The following CHST11 variants were observed in gnomAD, a reference collection of about 807,000 sequenced individuals.
The protein encoded by CHST11 is C4S-1.
A neutral mutation model predicts 30.4 loss-of-function variants in CHST11; 9 were observed. The ratio of observed to expected loss-of-function variants is 0.30; its 90% CI spans 0.18 to 0.52. The LOEUF (loss-of-function observed/expected upper bound fraction) is 0.52, where lower values mean the gene tolerates loss of function less well. Among genes scored for constraint, CHST11 ranks in the 20% least tolerant of loss-of-function variants. The probability of loss-of-function intolerance (pLI) is 0.97; values close to 1 mark genes in which losing one functional copy is unlikely to be tolerated. For synonymous variants in CHST11, 152 were observed against 187.8 expected, an observed-to-expected ratio of 0.81 and a Z score of 1.56; for missense variants, 348 against 460.6, an observed-to-expected ratio of 0.76 and a Z score of 2.24.
intron 2 of CHST11, among the ~76,000 whole-genome samples, chr12:104,652,324 A>C (rs2039497913): frequency 6.6e-6 from 1 of 152,224 alleles, no homozygotes; most frequent in Admixed American, 6.5e-5. Flanking sequence ...ATCTAATTAC[A>C]CAAAGGAAAG....
In CHST11 at chr12:104,475,681, TA is replaced by T. The variant is rs1565954845; in HGVS notation, c.118+18153del. The stretch of plus-strand genomic sequence containing the variant: ...CATTATATATATATATATATATATA[TA>T]TATATATATTTCTGATTATGAAATT... On this transcript the variant is annotated intron_variant, in intron 1 of 2. Transcript: ENST00000303694. 2.8e-4 allele frequency among the ~76,000 whole-genome samples: 35 copies of T among 124,456 alleles called. 3 individuals carry two copies. The highest frequency in any genetic ancestry group is 9.9e-4 in the South Asian group (4 of 4,028). The allele number at this position is 124,456 out of a possible 152,430, so 81.6% of individuals were successfully genotyped here.
intron 1 of CHST11, among the ~76,000 whole-genome samples, chr12:104,515,085 C>T (rs1389538426): frequency 6.6e-6 from 1 of 152,048 alleles, no homozygotes; most frequent in South Asian, 2.1e-4. Flanking sequence ...TTTGTATAGC[C>T]TGTGAGCTAA....
At chr12:104,562,142 G>T (rs2038520143) in intron 1 of CHST11, among the ~76,000 whole-genome samples, 1 of 152,100 alleles carries the variant, frequency 6.6e-6, no homozygotes, top group Admixed American at 6.5e-5. Context: ...CTAGTGCTCT[G>T]GTTGGTGTTG....
At chr12:104,694,551 C>T (rs1190241702) in intron 2 of CHST11, among the ~76,000 whole-genome samples, 1 of 152,082 alleles carries the variant, frequency 6.6e-6, no homozygotes, top group African/African-American at 2.4e-5. Context: ...AGCACAGCCC[C>T]CTGTTTTGAC....
chr12:104,737,198 T>TA (rs2040308553), intron 2 of CHST11, among the ~76,000 whole-genome samples: 1 of 152,264 alleles, frequency 6.6e-6, no homozygotes, highest in African/African-American at 2.4e-5. Context: ...AGAAGCCACG[T>TA]AGATCTGGGC....
chr12:104,695,678 T>C (rs552908220), intron 2 of CHST11, among the ~76,000 whole-genome samples: 133 of 152,212 alleles, frequency 8.7e-4, no homozygotes, highest in African/African-American at 3.1e-3. Flanking sequence ...AGCTTACAAT[T>C]GATAGATTTT....
intron 1 of CHST11, among the ~76,000 whole-genome samples, chr12:104,511,450 C>G (rs1163126536): frequency 6.6e-6 from 1 of 152,212 alleles, no homozygotes; most frequent in Non-Finnish European, 1.5e-5. Context: ...TCTTCTGGGT[C>G]TTCTGGCTTC....
chr12:104,652,806 C>T (rs1345032194), intron 2 of CHST11, among the ~76,000 whole-genome samples: 1 of 152,190 alleles, frequency 6.6e-6, no homozygotes, highest in African/African-American at 2.4e-5. Flanking sequence ...GAAGCTGGCC[C>T]AAGGGGCCAG....
chr12:104,493,877 G>A (rs2037774142), intron 1 of CHST11, among the ~76,000 whole-genome samples: 1 of 152,214 alleles, frequency 6.6e-6, no homozygotes, highest in African/African-American at 2.4e-5. Context: ...AGGCTGAAGT[G>A]CAGTGGCACC....
At chr12:104,551,758 T>C (rs934253264) in intron 1 of CHST11, among the ~76,000 whole-genome samples, 4 of 152,032 alleles carry the variant, frequency 2.6e-5, no homozygotes, top group African/African-American at 7.2e-5. Context: ...TAAAGCTTCA[T>C]GTGAGGCCGT....
intron 1 of CHST11, among the ~76,000 whole-genome samples, chr12:104,469,350 C>T (rs534432777): frequency 3.7e-4 from 57 of 152,252 alleles, no homozygotes; most frequent in Admixed American, 1.2e-3. Flanking sequence ...ATGCAGTGAC[C>T]GCAGCATTTC....
At chr12:104,516,996 CTTATG>C (rs2038030512) in intron 1 of CHST11, among the ~76,000 whole-genome samples, 2 of 152,098 alleles carry the variant, frequency 1.3e-5, no homozygotes, top group African/African-American at 4.8e-5. Context: ...CTGAGCACTT[CTTATG>C]TGCTCTAAGC....
At chr12:104,546,305 A>C (rs192287754) in intron 1 of CHST11, among the ~76,000 whole-genome samples, 5 of 150,744 alleles carry the variant, frequency 3.3e-5, no homozygotes, top group Non-Finnish European at 7.4e-5. Context: ...CCCCATCTCT[A>C]CAAAAAAAAA....
intron 1 of CHST11, among the ~76,000 whole-genome samples, chr12:104,551,663 G>A (rs1168979269): frequency 1.3e-5 from 2 of 152,176 alleles, no homozygotes; most frequent in Non-Finnish European, 2.9e-5. Flanking sequence ...AGTGATTTAA[G>A]GGTGGGGAGG....
chr12:104,568,148 C>T (rs2038586052), intron 1 of CHST11, among the ~76,000 whole-genome samples: 1 of 152,134 alleles, frequency 6.6e-6, no homozygotes, highest in South Asian at 2.1e-4. Context: ...TGGGCTGGGT[C>T]CCATGATCAG....
chr12:104,508,289 C>T (rs1437412744), intron 1 of CHST11, among the ~76,000 whole-genome samples: 1 of 152,216 alleles, frequency 6.6e-6, no homozygotes, highest in Non-Finnish European at 1.5e-5. Context: ...TTTAAAGCTT[C>T]ATGACCCTGG....
chr12:104,618,178 A>G (rs2039126060), intron 2 of CHST11, among the ~76,000 whole-genome samples: 1 of 146,216 alleles, frequency 6.8e-6, no homozygotes. Flanking sequence ...AAGTGCTGGG[A>G]TTATAGGTGT....
chr12:104,634,361 T>TCGTCATGTGGAATTACCTCCTCAA (rs1169824670), intron 2 of CHST11, among the ~76,000 whole-genome samples: 15 of 152,034 alleles, frequency 9.9e-5, no homozygotes, highest in Non-Finnish European at 1.5e-5. Context: ...AATCCAGAGG[T>TCGTCATGTGGAATTACCTCCTCAA]CGTCATGTGG....
intron 1 of CHST11, among the ~76,000 whole-genome samples, chr12:104,510,389 A>G (rs777959984): frequency 6.6e-6 from 1 of 152,172 alleles, no homozygotes; most frequent in Non-Finnish European, 1.5e-5. Flanking sequence ...GCTGTTTGCA[A>G]TTTATGCATG....
Sources: allele counts gnomAD v4.1 joint callset (sites outside exome capture counted in the v4.1 genomes callset), GRCh38; gene constraint gnomAD v4.1.1; transcripts MANE v1.5; gene names NCBI Gene and HGNC (gene_info 2026-07-23, HGNC 2026-07-21).